GREB1: variants seen among roughly 807,000 people sequenced by gnomAD.
The protein encoded by GREB1 is growth regulating estrogen receptor binding 1, also known as protein GREB1.
A neutral mutation model predicts 200.7 loss-of-function variants in GREB1; 106 were observed. The observed-to-expected ratio is 0.53, with a 90% CI of 0.45 to 0.62. GREB1 has a LOEUF of 0.62. Ranked by LOEUF, GREB1 falls within the 20% of genes least tolerant of loss-of-function variation. GREB1 has a pLI of 0.00. For missense variants in GREB1, 2,243 were observed against 2,556.8 expected (o/e 0.88, Z 2.65); for synonymous variants, 1,132 against 1,092.4 (o/e 1.04, Z -0.72).
At position 11,580,583 on chromosome 2, in the gene GREB1, G is replaced by T; in HGVS notation, c.773-121G>T. The T allele has an allele frequency of 8.5e-7, 1 of 1,172,480 alleles. No individual in the cohort carries two copies. 72.6% of individuals were successfully genotyped at this position (1,172,480 alleles called of 1,614,324 possible). The stretch of plus-strand genomic sequence containing the variant: ...TCACTGTTGGGCATTCTGACCTCCT[G>T]ATGAGACTTGCTGGGGAAAAGCTAG... On this transcript the variant is annotated intron_variant, in intron 6 of 32. Transcript: ENST00000381486. The surrounding 1 kb of genome is among the most constrained non-coding windows in gnomAD (Gnocchi z 4.5).
rs1558669872 is a variant in GREB1, at chr2:11,634,221, G to C, written c.5082G>C (p.Leu1694=). 6.8e-6 allele frequency: 11 copies of C among 1,614,198 alleles called. No individual in the cohort carries two copies. Among genetic ancestry groups the C allele is most frequent in the Non-Finnish European group, 9.3e-6 (11 of 1,180,020 alleles). ...CCGACATCATGCACTACGCCCTGCT[G>C]GGCCTGCGGAAGTGGTCCAGCAAGA... ...AAPDIMHYAL[L]GLRKWSSKTR... is the part of the protein sequence containing the mutation. The change falls in exon 29 of 33, where the codon CTG becomes CTC. Residue 1694 remains leucine, a synonymous_variant. Transcript: ENST00000381486.
chr2:11,613,096 G>A (rs1470208507), intron 19 of GREB1, among the ~76,000 whole-genome samples: 2 of 152,190 alleles, frequency 1.3e-5, no homozygotes, highest in East Asian at 3.9e-4. Flanking sequence ...GGAAGAGCTG[G>A]TTCTTCCAGC....
rs201898208 is a variant in GREB1 at position 11,484,583 on chromosome 2, C to CT, written c.-159+2204dup. Among the ~76,000 whole-genome samples, 27 of 13,722 alleles carry CT rather than the reference C, an allele frequency of 2.0e-3. 6 individuals carry two copies. The highest frequency in any genetic ancestry group is 3.4e-3 in the Non-Finnish European group (17 of 4,960). 9.0% of individuals were successfully genotyped at this position (13,722 alleles called of 152,430 possible). On this transcript the variant is annotated intron_variant, in intron 1 of 2. Coordinates refer to the GREB1 transcript ENST00000628795. ...GGGCAACATAGCGAGACTCTCATCT[C>CT]TTAAAAAACAAAAAAAAAAAAAAAA... is the stretch of plus-strand genomic sequence containing the variant.
intron 1 of GREB1, among the ~76,000 whole-genome samples, chr2:11,550,991 T>C (rs1237923365): frequency 2.6e-5 from 4 of 152,170 alleles, no homozygotes. Context: ...ACCTAAAAAT[T>C]CTCATTCTAC....
intron 27 of GREB1, 134 bp downstream of exon 27, chr2:11,632,247 G>A: frequency 3.1e-6 from 2 of 638,780 alleles, no homozygotes; most frequent in South Asian, 4.2e-5. Flanking sequence ...TTTTCATTTT[G>A]TCTGACTTTT....
chr2:11,544,285 C>T (rs545589902), intron 1 of GREB1, among the ~76,000 whole-genome samples: 4 of 152,056 alleles, frequency 2.6e-5, no homozygotes, highest in South Asian at 2.1e-4. Context: ...GGTGTGATCT[C>T]GGGTCACTGC....
intron 1 of GREB1, among the ~76,000 whole-genome samples, chr2:11,519,051 C>T (rs1368610314): frequency 6.7e-5 from 10 of 149,408 alleles, no homozygotes; most frequent in African/African-American, 2.0e-4. Flanking sequence ...GAGCCGAGAT[C>T]GCGCCACTGC....
At chr2:11,541,444 A>AG (rs139308785) in intron 1 of GREB1, among the ~76,000 whole-genome samples, 14,433 of 148,144 alleles carry the variant, frequency 0.097, 906 homozygotes, top group Non-Finnish European at 0.14. Context: ...ATGGCAAGTG[A>AG]GAGGGGGGCC....
intron 1 of GREB1, among the ~76,000 whole-genome samples, chr2:11,503,949 G>A (rs564605950): frequency 2.2e-4 from 34 of 152,042 alleles, no homozygotes; most frequent in South Asian, 6.2e-4. Flanking sequence ...GTGTTTCTTC[G>A]TATACATACA....
Position 11,600,790 on chromosome 2 carries a change from CCT to C in GREB1, c.2334-8_2334-7del, listed in dbSNP as rs1681715365. The C allele has an allele frequency of 6.2e-7, 1 of 1,605,836 alleles. No homozygotes were observed. The highest frequency in any genetic ancestry group is 1.1e-5 in the South Asian group (1 of 90,752). Reference sequence around the variant, plus strand: ...AGTAATTCCACTGATTGTGTCTTCTCCTCCCTCAGTAGCACTGTTCATAACCT... The same window carrying C: ...AGTAATTCCACTGATTGTGTCTTCTCCCCTCAGTAGCACTGTTCATAACCT... On this transcript the variant is annotated splice_region_variant and splice_polypyrimidine_tract_variant and intron_variant, in intron 15 of 32. Coordinates refer to ENST00000381486, the MANE Select transcript of GREB1 (RefSeq NM_014668.4).
chr2:11,530,754 G>A (rs1246003433), upstream of GREB1, among the ~76,000 whole-genome samples: 1 of 152,080 alleles, frequency 6.6e-6, no homozygotes, highest in African/African-American at 2.4e-5. Context: ...GTGGTGCATG[G>A]TGTTCATCAT....
Position 11,580,582 on chromosome 2 carries a change from T to A in GREB1, c.773-122T>A. ...ATCACTGTTGGGCATTCTGACCTCC[T>A]GATGAGACTTGCTGGGGAAAAGCTA... On this transcript the variant is annotated intron_variant, in intron 6 of 32. Transcript: ENST00000381486. The surrounding 1 kb of genome is among the most constrained non-coding windows in gnomAD (Gnocchi z 4.5). 8.7e-7 allele frequency: 1 copy of A among 1,148,368 alleles called. No homozygotes were observed. Among genetic ancestry groups the A allele is most frequent in the Admixed American group, 2.2e-5 (1 of 46,222 alleles). 71.1% of individuals were successfully genotyped at this position (1,148,368 alleles called of 1,614,324 possible).
rs1264279767 is a variant in GREB1 at position 11,538,926 on chromosome 2, C to T, written c.-162+4672C>T. On this transcript the variant is annotated intron_variant, in intron 1 of 32. Transcript: ENST00000381486. Reference sequence around the variant, plus strand: ...TCCTTCCTTCCCCCTCCCCTCCCCTCGTGTCCCCTCCCCTCCCCTCGTGTC... The same window carrying T: ...TCCTTCCTTCCCCCTCCCCTCCCCTTGTGTCCCCTCCCCTCCCCTCGTGTC... Among the ~76,000 whole-genome samples the T allele has an allele frequency of 8.7e-5, 3 of 34,430 alleles. 1 individual carries two copies. The highest frequency in any genetic ancestry group is 2.6e-4 in the African/African-American group (3 of 11,624). 22.6% of individuals were successfully genotyped at this position (34,430 alleles called of 152,430 possible).
intron 14 of GREB1, 140 bp downstream of exon 14, chr2:11,598,118 A>G: frequency 1.3e-6 from 1 of 748,158 alleles, no homozygotes. Context: ...TGTGAAACTG[A>G]TGTTCAGAGA....
Position 11,602,371 on chromosome 2 carries a change from A to G in GREB1, c.2530-35A>G, listed in dbSNP as rs76169583. 3,388 of 1,599,434 alleles carry G rather than the reference A, an allele frequency of 2.1e-3. 50 individuals carry two copies. The African/African-American group carries it at 0.039, about 18-fold the overall frequency. On this transcript the variant is annotated intron_variant, in intron 16 of 32. Coordinates refer to ENST00000381486, the MANE Select transcript of GREB1 (RefSeq NM_014668.4). ...AACCTCTGACCGTCCCTGCGAATGCAGTGTTGGAGTGACCGACGCTCTTCT... is the reference window on the plus strand; with the variant it reads ...AACCTCTGACCGTCCCTGCGAATGCGGTGTTGGAGTGACCGACGCTCTTCT...
At chr2:11,535,242 C>G (rs1368342475) in intron 1 of GREB1, among the ~76,000 whole-genome samples, 2 of 152,156 alleles carry the variant, frequency 1.3e-5, no homozygotes, top group African/African-American at 2.4e-5. Flanking sequence ...GTTGGTCCCC[C>G]CAGGTATGCA....
In GREB1 at chr2:11,597,941, G is replaced by A. The variant is rs142491651; in HGVS notation, c.2115G>A (p.Val705=). 153 of 1,614,176 alleles carry A rather than the reference G, an allele frequency of 9.5e-5. No individual in the cohort carries two copies. The highest frequency in any genetic ancestry group is 8.2e-4 in the Middle Eastern group (5 of 6,062). The change falls in exon 14 of 33, where the codon GTG becomes GTA. Residue 705 remains valine, a synonymous_variant. Transcript: ENST00000381486. This position sits in a 1 kb window ranked among gnomAD's most constrained non-coding sequence, Gnocchi z 4.1. ...DFLICIPPSE[V]TYQQTLLHVW... is the part of the protein sequence containing the mutation. Reference sequence around the variant, plus strand: ...TCATTTGCATTCCCCCCTCAGAAGTGACCTACCAGCAGACTCTGCTCCATG... The same window carrying A: ...TCATTTGCATTCCCCCCTCAGAAGTAACCTACCAGCAGACTCTGCTCCATG...
chr2:11,581,426 A>T (rs543207458), intron 7 of GREB1, among the ~76,000 whole-genome samples: 72 of 152,276 alleles, frequency 4.7e-4, no homozygotes, highest in African/African-American at 1.6e-3. Context: ...AGGAGGTGAT[A>T]ACTGAGCTGC....
chr2:11,598,850 G>C lies in GREB1; in HGVS notation c.2323G>C (p.Asp775His). ...FVLIHDHAHW[D>H]LVSSTVHNLY... ...CCTAATCCATGACCATGCGCACTGG[G>C]ATCTTGTGAGGTTAGATTGACTTGA... The change falls in exon 15 of 33, where the codon GAT (aspartate) becomes CAT (histidine). Residue 775 changes from aspartate to histidine, a missense_variant. By Grantham distance (81) the Asp-to-His change is moderately conservative (BLOSUM62 -1). Coordinates refer to ENST00000381486, the MANE Select transcript of GREB1 (RefSeq NM_014668.4). 5 of 1,613,610 alleles carry C rather than the reference G, an allele frequency of 3.1e-6. No individual in the cohort carries two copies. Among genetic ancestry groups the C allele is most frequent in the Non-Finnish European group, 4.2e-6 (5 of 1,179,520 alleles).
Sources: gnomAD v4.1 joint callset for allele counts (sites outside exome capture counted in the v4.1 genomes callset) on GRCh38, gnomAD v4.1.1 for gene constraint, Gnocchi (gnomAD v3.1) non-coding constraint, MANE v1.5 for transcripts, NCBI Gene and HGNC (gene_info 2026-07-23, HGNC 2026-07-21) for gene names.